The following GYG1 variants were observed in gnomAD, a reference collection of about 807,000 sequenced individuals.
The protein encoded by GYG1 is glycogenin-1.
GYG1 carries 44 observed loss-of-function variants against 41.9 expected under a neutral mutation model. The observed-to-expected ratio is 1.05, with a 90% CI of 0.83 to 1.35. The LOEUF (loss-of-function observed/expected upper bound fraction) is 1.35. Ranked by LOEUF, GYG1 falls within the 40% of genes most tolerant of loss-of-function variation. The pLI, the probability that GYG1 is intolerant of heterozygous loss-of-function variation, is 0.00. For missense variants in GYG1, 429 were observed against 418.9 expected (o/e 1.02, Z -0.21); for synonymous variants, 141 against 158.1 (o/e 0.89, Z 0.81).
chr3:149,010,060 C>T (rs545089304), intron 5 of GYG1, among the ~76,000 whole-genome samples: 1 of 152,294 alleles, frequency 6.6e-6, no homozygotes, highest in East Asian at 1.9e-4. Context: ...GATTGTTAGT[C>T]ATTTTTATTT....
rs370928738 is a variant in GYG1, at chr3:148,994,148, C to A, written c.14C>A (p.Ala5Asp). Residue 5 changes from alanine to aspartate, a missense_variant, in exon 2 of 8, where the codon GCC (alanine) becomes GAC (aspartate). Transcript: ENST00000345003. ...TTTTTTTCTTTGTATTAAGATCAGG[C>A]CTTTGTGACACTAACCACAAACGAT... MTDQAFVTLTTNDAY... is the reference protein window; with the variant it reads MTDQDFVTLTTNDAY... The A allele has an allele frequency of 6.8e-6, 11 of 1,613,180 alleles. No homozygotes were observed. Among genetic ancestry groups the A allele is most frequent in the Admixed American group, 1.7e-5 (1 of 60,018 alleles).
At chr3:148,992,201 G>C (rs1036042439) in intron 1 of GYG1, among the ~76,000 whole-genome samples, 4 of 152,268 alleles carry the variant, frequency 2.6e-5, no homozygotes, top group African/African-American at 9.6e-5. Context: ...AGTCGGACTA[G>C]CGTCCCCGGG....
chr3:149,012,047 AT>A (rs1310928352), intron 5 of GYG1, among the ~76,000 whole-genome samples: 1 of 152,154 alleles, frequency 6.6e-6, no homozygotes, highest in Non-Finnish European at 1.5e-5. Flanking sequence ...GCCAGAAAAT[AT>A]ATTTGCTTTT....
rs141964658 is a variant in GYG1, at chr3:149,030,358, T to C, written c.*3425T>C. On this transcript the variant is annotated 3_prime_UTR_variant, in exon 8 of 8. Coordinates refer to ENST00000345003, the MANE Select transcript of GYG1 (RefSeq NM_004130.4). ...TTTTTTAAATTAAACTTTTAAAATA[T>C]AACAACATCTAACAGAACTGTACAA... 8 of 152,290 alleles carry C rather than the reference T, an allele frequency of 5.3e-5. No homozygotes were observed. The highest frequency in any genetic ancestry group is 1.9e-4 in the African/African-American group (8 of 41,566). 9.4% of individuals were successfully genotyped at this position (152,290 alleles called of 1,614,324 possible).
rs548163305 is a variant in GYG1, at chr3:148,993,371, G to A, written c.8-771G>A. ...GCACCTTCTTCTCCAAAGAAAAGCA[G>A]GCAGTTGTTTAGGGCTTCTTGGGTG... is the stretch of plus-strand genomic sequence containing the variant. On this transcript the variant is annotated intron_variant, in intron 1 of 7. Transcript: ENST00000345003. Among the ~76,000 whole-genome samples the A allele has an allele frequency of 1.1e-3, 165 of 152,206 alleles. 1 individual carries two copies. The highest frequency in any genetic ancestry group is 6.8e-3 in the Middle Eastern group (2 of 294).
In GYG1 at chr3:148,996,788, C is replaced by T. The variant is rs1248145419; in HGVS notation, c.365C>T (p.Ala122Val). The T allele has an allele frequency of 1.2e-6, 2 of 1,613,410 alleles. No individual in the cohort carries two copies. Among genetic ancestry groups the T allele is most frequent in the South Asian group, 1.1e-5 (1 of 91,072 alleles). The stretch of plus-strand genomic sequence containing the variant: ...CTTTTTGACAGAGAAGAATTGTCAG[C>T]AGCACCAGACCCAGGGTGGCCTGAC... ...DDLFDREELS[A>V]APDPGWPDCF... Residue 122 changes from alanine to valine, a missense_variant, in exon 4 of 8, where the codon GCA (alanine) becomes GTA (valine). Ala to Val is a moderately conservative substitution (Grantham distance 64, BLOSUM62 0). Coordinates refer to ENST00000345003, the MANE Select transcript of GYG1 (RefSeq NM_004130.4).
chr3:149,007,374 C>T (rs1301857221), intron 4 of GYG1, among the ~76,000 whole-genome samples: 1 of 152,160 alleles, frequency 6.6e-6, no homozygotes, highest in Non-Finnish European at 1.5e-5. Flanking sequence ...TCTTTATTGT[C>T]CTTTAGAACT....
rs551660139 is a variant in GYG1 at position 149,029,653 on chromosome 3, T to G, written c.*2720T>G. On this transcript the variant is annotated 3_prime_UTR_variant, in exon 8 of 8. Coordinates refer to ENST00000345003, the MANE Select transcript of GYG1 (RefSeq NM_004130.4). The stretch of plus-strand genomic sequence containing the variant: ...ATGCTAATGCATAAACCTTGACAAG[T>G]AGTATAAATAAAACAAGAAAAAAAT... 6.6e-5 allele frequency among the ~76,000 whole-genome samples: 10 copies of G among 152,156 alleles called. No homozygotes were observed. The highest frequency in any genetic ancestry group is 5.9e-4 in the Admixed American group (9 of 15,266).
chr3:149,001,580 A>C (rs190103092), intron 4 of GYG1: 1 of 152,276 alleles, frequency 6.6e-6, no homozygotes, highest in East Asian at 1.9e-4. Context: ...CTTATTTCTC[A>C]ACAGTCCTGT....
At chr3:149,006,877 C>G (rs1278631990) in intron 4 of GYG1, among the ~76,000 whole-genome samples, 1 of 152,206 alleles carries the variant, frequency 6.6e-6, no homozygotes, top group Admixed American at 6.5e-5. Flanking sequence ...GATGTTTTGG[C>G]TTTGATAGTT....
chr3:149,014,534 A>G (rs1453142722), intron 5 of GYG1, among the ~76,000 whole-genome samples: 1 of 151,894 alleles, frequency 6.6e-6, no homozygotes, highest in Non-Finnish European at 1.5e-5. Context: ...TCTTGAGCCC[A>G]AGAAGACATA....
At position 149,026,790 on chromosome 3, in the gene GYG1, T is replaced by TC; in HGVS notation, c.913dup (p.Leu305ProfsTer27). The TC allele has an allele frequency of 6.2e-7, 1 of 1,613,554 alleles. No homozygotes were observed. Among genetic ancestry groups the TC allele is most frequent in the Non-Finnish European group, 8.5e-7 (1 of 1,179,498 alleles). Reference sequence around the variant, plus strand: ...TGTCTCAGGAGCCATATCACATCTGTCCCTTGGGGAGATCCCAGCTATGGC... The same window carrying TC: ...TGTCTCAGGAGCCATATCACATCTGTCCCCTTGGGGAGATCCCAGCTATGGC... On this transcript the variant is annotated frameshift_variant, in exon 8 of 8. Transcript: ENST00000345003. LOFTEE classifies it high-confidence loss of function.
In GYG1 at chr3:148,991,619, C is replaced by T. The variant is rs750527885; in HGVS notation, c.-22C>T. 1.2e-4 allele frequency: 185 copies of T among 1,554,982 alleles called. No individual in the cohort carries two copies. Among genetic ancestry groups the T allele is most frequent in the Non-Finnish European group, 1.5e-4 (177 of 1,159,180 alleles). ...GTCACCAACCTGAGGCTGCCCCGGC[C>T]GCCTGCGCACCCGGCAGCACCATGA... On this transcript the variant is annotated 5_prime_UTR_variant, in exon 1 of 8. Transcript: ENST00000345003.
intron 5 of GYG1, among the ~76,000 whole-genome samples, chr3:149,014,284 A>G (rs1447406756): frequency 1.3e-5 from 2 of 152,094 alleles, no homozygotes; most frequent in Non-Finnish European, 2.9e-5. Context: ...TCACTGCTGC[A>G]TATTCTGGTG....
At chr3:149,013,569 A>G (rs554095383) in intron 5 of GYG1, among the ~76,000 whole-genome samples, 7 of 152,350 alleles carry the variant, frequency 4.6e-5, no homozygotes, top group Admixed American at 2.0e-4. Flanking sequence ...AGATATGACT[A>G]GAGACCTGGC....
intron 4 of GYG1, among the ~76,000 whole-genome samples, chr3:149,006,919 GCTAAAATTGTCT>G (rs1713437119): frequency 6.6e-6 from 1 of 152,172 alleles, no homozygotes; most frequent in Admixed American, 6.5e-5. Context: ...TTGCCTATTA[GCTAAAATTGTCT>G]TTGGTTCTCA....
At chr3:148,993,941 A>G (rs1712637625) in intron 1 of GYG1, among the ~76,000 whole-genome samples, 1 of 152,192 alleles carries the variant, frequency 6.6e-6, no homozygotes, top group African/African-American at 2.4e-5. Context: ...GAAGGTTGCC[A>G]TATGTGCCTG....
chr3:148,996,378 T>G lies in GYG1; in HGVS notation c.220T>G (p.Leu74Val), dbSNP rs1398931853. The change falls in exon 3 of 8, where the codon TTA becomes GTA. Residue 74 changes from leucine (L) to valine (V), a missense_variant. Coordinates refer to ENST00000345003, the MANE Select transcript of GYG1 (RefSeq NM_004130.4). ...CAGTGGCGATTCTGCTCATCTAACC[T>G]TAATGAAGAGGCCAGAGTTGGGTGT... is the stretch of plus-strand genomic sequence containing the variant. ...LDSGDSAHLT[L>V]MKRPELGVTL... 1.9e-6 allele frequency: 3 copies of G among 1,612,648 alleles called. No individual in the cohort carries two copies. The Admixed American group carries it at 5.0e-5, about 27-fold the overall frequency.
In GYG1 at chr3:149,009,413, A is replaced by T. The variant is rs377367316; in HGVS notation, c.608+11A>T. On this transcript the variant is annotated intron_variant, in intron 5 of 7. Coordinates refer to ENST00000345003, the MANE Select transcript of GYG1 (RefSeq NM_004130.4). ...CCCGGCATTTAAAGTGTAAGTGCAG[A>T]TGGTTTAACTATTGTTGGAGATGTT... 11 of 1,613,178 alleles carry T rather than the reference A, an allele frequency of 6.8e-6. No individual in the cohort carries two copies. Among genetic ancestry groups the T allele is most frequent in the African/African-American group, 1.3e-5 (1 of 74,906 alleles).
Sources: gnomAD v4.1 joint callset for allele counts (sites outside exome capture counted in the v4.1 genomes callset) on GRCh38, gnomAD v4.1.1 for gene constraint, MANE v1.5 for transcripts, NCBI Gene and HGNC (gene_info 2026-07-23, HGNC 2026-07-21) for gene names.